Variants in TXNRD1 observed in about 807,000 individuals in gnomAD.
TXNRD1 encodes thioredoxin reductase 1, cytoplasmic.
TXNRD1 carries 57 observed loss-of-function variants against 80.3 expected under a neutral mutation model. That is an observed-to-expected ratio of 0.71 (90% CI 0.57 to 0.89). The LOEUF (loss-of-function observed/expected upper bound fraction) is 0.89. Among genes scored for constraint, TXNRD1 ranks in the 40% least tolerant of loss-of-function variants. TXNRD1 has a pLI of 0.00. For missense variants in TXNRD1, 730 were observed against 803.0 expected (o/e 0.91, Z 1.10); for synonymous variants, 291 against 285.2 (o/e 1.02, Z -0.20).
intron 6 of TXNRD1, among the ~76,000 whole-genome samples, chr12:104,314,636 C>G (rs762369373): frequency 6.6e-6 from 1 of 151,828 alleles, no homozygotes; most frequent in South Asian, 2.1e-4. Flanking sequence ...GATACTAAAC[C>G]TATTTTTAGG....
intron 3 of TXNRD1, chr12:104,265,524 C>G (rs189110820): frequency 8.1e-6 from 13 of 1,610,842 alleles, no homozygotes; most frequent in East Asian, 2.2e-5. Flanking sequence ...AGAAGTCCCC[C>G]CTGCGGGTGA....
chr12:104,340,699 C>T (rs892776258), intron 16 of TXNRD1, among the ~76,000 whole-genome samples: 3 of 152,130 alleles, frequency 2.0e-5, no homozygotes, highest in African/African-American at 7.2e-5. Context: ...AAACTCCAGT[C>T]ATTGGATTAG....
At chr12:104,252,441 A>G (rs2033138734) in intron 2 of TXNRD1, among the ~76,000 whole-genome samples, 1 of 151,604 alleles carries the variant, frequency 6.6e-6, no homozygotes, top group South Asian at 2.1e-4. Context: ...GGTTACAGCC[A>G]AGGGGAGGAT....
intron 1 of TXNRD1, among the ~76,000 whole-genome samples, chr12:104,224,519 G>A (rs1368888554): frequency 6.6e-6 from 1 of 152,028 alleles, no homozygotes; most frequent in Non-Finnish European, 1.5e-5. Context: ...CTCCCGAGTA[G>A]CTGGGATTAC....
At chr12:104,244,237 T>C (rs1016726098) in intron 1 of TXNRD1, among the ~76,000 whole-genome samples, 6 of 152,218 alleles carry the variant, frequency 3.9e-5, no homozygotes, top group Non-Finnish European at 8.8e-5. Flanking sequence ...TCAGTGGTTT[T>C]GGCAGGTACA....
At chr12:104,223,533 C>T (rs992134582) in intron 1 of TXNRD1, among the ~76,000 whole-genome samples, 1 of 152,186 alleles carries the variant, frequency 6.6e-6, no homozygotes, top group African/African-American at 2.4e-5. Context: ...AGAAATGTAA[C>T]ACTGGACTAC....
intron 1 of TXNRD1, among the ~76,000 whole-genome samples, chr12:104,236,046 C>T (rs953424248): frequency 6.6e-6 from 1 of 152,170 alleles, no homozygotes; most frequent in Admixed American, 6.6e-5. Flanking sequence ...AATCTTGTAG[C>T]CTCCAGCTGC....
At chr12:104,332,749 CAAAA>C (rs34106883) in intron 14 of TXNRD1, among the ~76,000 whole-genome samples, 6 of 76,732 alleles carry the variant, frequency 7.8e-5, no homozygotes, top group African/African-American at 1.6e-4. Flanking sequence ...AACTCCGTCT[CAAAA>C]AAAAAAAAAA....
chr12:104,294,563 A>G (rs1002706212), intron 4 of TXNRD1, among the ~76,000 whole-genome samples: 10 of 152,228 alleles, frequency 6.6e-5, no homozygotes, highest in African/African-American at 2.2e-4. Flanking sequence ...ATACTCATAT[A>G]TAATCACATC....
intron 1 of TXNRD1, among the ~76,000 whole-genome samples, chr12:104,233,439 A>G (rs2032665978): frequency 6.6e-6 from 1 of 152,230 alleles, no homozygotes; most frequent in African/African-American, 2.4e-5. Context: ...ATAAGTTAAG[A>G]GTACTCACAG....
chr12:104,254,449 A>T (rs1487097331), intron 2 of TXNRD1, among the ~76,000 whole-genome samples: 1 of 151,536 alleles, frequency 6.6e-6, no homozygotes, highest in Non-Finnish European at 1.5e-5. Flanking sequence ...TTTGAGTGCC[A>T]ACTATGTGCC....
At chr12:104,221,634 G>A (rs904648262) in intron 1 of TXNRD1, among the ~76,000 whole-genome samples, 3 of 152,142 alleles carry the variant, frequency 2.0e-5, no homozygotes, top group African/African-American at 7.2e-5. Context: ...TGGTTTTAGT[G>A]GTAGTGCAGT....
chr12:104,346,100 C>A (rs2036482066), intron 16 of TXNRD1: 3 of 821,614 alleles, frequency 3.7e-6, no homozygotes, highest in Non-Finnish European at 3.5e-6. Context: ...GCAGCCTTGA[C>A]CTTTCAAGCT....
At chr12:104,229,225 G>A (rs948068872) in intron 1 of TXNRD1, among the ~76,000 whole-genome samples, 13 of 137,532 alleles carry the variant, frequency 9.5e-5, no homozygotes, top group Non-Finnish European at 2.0e-4. Flanking sequence ...TTGGCTCATT[G>A]CAACTTCTAC....
At chr12:104,271,245 G>A (rs186007541) in intron 3 of TXNRD1, among the ~76,000 whole-genome samples, 3,734 of 149,894 alleles carry the variant, frequency 0.025, 71 homozygotes, top group Non-Finnish European at 0.041. Flanking sequence ...GAGTGCAGTG[G>A]TGCGATCTGG....
At chr12:104,322,243 A>G (rs1303649685) in intron 10 of TXNRD1, among the ~76,000 whole-genome samples, 1 of 152,172 alleles carries the variant, frequency 6.6e-6, no homozygotes, top group Non-Finnish European at 1.5e-5. Flanking sequence ...ACACTTATAA[A>G]GTAATTAGAA....
intron 1 of TXNRD1, among the ~76,000 whole-genome samples, chr12:104,216,413 C>A (rs2032212411): frequency 6.6e-6 from 1 of 152,252 alleles, no homozygotes; most frequent in Non-Finnish European, 1.5e-5. Context: ...TCTCCATCCC[C>A]TTGAATTTTG....
chr12:104,246,320 C>T (rs1305627438), intron 1 of TXNRD1, among the ~76,000 whole-genome samples: 22 of 148,488 alleles, frequency 1.5e-4, no homozygotes, highest in Admixed American at 4.0e-4. Flanking sequence ...CCCAGCTACT[C>T]GGGAGGCTGA....
At chr12:104,245,314 C>T (rs2032954960) in intron 1 of TXNRD1, among the ~76,000 whole-genome samples, 2 of 151,068 alleles carry the variant, frequency 1.3e-5, no homozygotes, top group South Asian at 4.2e-4. Flanking sequence ...GAGTTCCAGA[C>T]CAGCCTGACC....
Sources: gnomAD v4.1 joint callset for allele counts (sites outside exome capture counted in the v4.1 genomes callset) on GRCh38, gnomAD v4.1.1 for gene constraint, MANE v1.5 for transcripts, NCBI Gene and HGNC (gene_info 2026-07-23, HGNC 2026-07-21) for gene names.